Variants in CFAP47 observed in about 807,000 individuals in gnomAD.
CFAP47 encodes the protein cilia- and flagella-associated protein 47.
A neutral mutation model predicts 148.1 loss-of-function variants in CFAP47; 29 were observed. The ratio of observed to expected loss-of-function variants is 0.20; its 90% confidence interval spans 0.15 to 0.27. The LOEUF is 0.27. CFAP47 is among the 10% of genes least tolerant of loss of function. The pLI is 1.00. For synonymous variants in CFAP47, 664 were observed against 577.3 expected (o/e 1.15, Z -2.15); for missense variants, 1,872 against 1,697.5 (o/e 1.10, Z -1.81).
chrX:36,094,176 C>A (rs911318607), intron 30 of CFAP47, among the ~76,000 whole-genome samples: 2 of 110,539 alleles, frequency 1.8e-5, no homozygotes, highest in Non-Finnish European at 3.8e-5. Context: ...AAAATGAGTT[C>A]ATTGTAGGCC....
At chrX:36,300,525 G>A (rs1341607613) in intron 52 of CFAP47, among the ~76,000 whole-genome samples, 5 of 111,184 alleles carry the variant, frequency 4.5e-5, no homozygotes, top group Non-Finnish European at 7.5e-5. Context: ...TCCTGACCTC[G>A]TGATCCGCCT....
At chrX:35,938,683 A>C (rs750828041) in intron 2 of CFAP47, among the ~76,000 whole-genome samples, 1 of 111,877 alleles carries the variant, frequency 8.9e-6, no homozygotes, top group Non-Finnish European at 1.9e-5. Context: ...AGTTGTCTCC[A>C]TAATGAGTAG....
At chrX:36,073,025 A>C (rs1356297492) in intron 28 of CFAP47, 114 bp from the exon 29 acceptor site, 1 of 486,326 alleles carries the variant, frequency 2.1e-6, no homozygotes, top group African/African-American at 2.4e-5. Flanking sequence ...CTTTGAGAGC[A>C]TAGAATAATT....
At chrX:36,296,673 G>A (rs1008927113) in intron 51 of CFAP47, among the ~76,000 whole-genome samples, 1 of 111,960 alleles carries the variant, frequency 8.9e-6, no homozygotes, top group African/African-American at 3.2e-5. Context: ...TCTGTTGAAC[G>A]GACACTGATC....
chrX:36,280,026 A>T (rs1556003331), intron 49 of CFAP47, among the ~76,000 whole-genome samples: 1 of 111,275 alleles, frequency 9.0e-6, no homozygotes, highest in Admixed American at 9.6e-5. Flanking sequence ...TTTATAACAA[A>T]ATGTTTAACA....
chrX:35,924,000 T>C (rs975372818), intron 1 of CFAP47, among the ~76,000 whole-genome samples: 4 of 102,465 alleles, frequency 3.9e-5, no homozygotes, highest in East Asian at 3.0e-4. Context: ...CATATATGTG[T>C]ATATGTGTAA....
rs189653875 is a variant in CFAP47, at chrX:35,998,027, C to A, written c.3177+638C>A. Among the ~76,000 whole-genome samples the A allele has an allele frequency of 5.4e-3, 593 of 110,807 alleles. 5 individuals are homozygous for A. The highest frequency in any genetic ancestry group is 0.019 in the African/African-American group (568 of 30,543). On this transcript the variant is annotated intron_variant, in intron 19 of 63. Coordinates refer to ENST00000378653, the MANE Select transcript of CFAP47 (RefSeq NM_001304548.2). ...GAGGTACACATACAAGAGGTTCTCT[C>A]GGAATGGAGTTATTGAGACATAGAG...
At chrX:36,378,907 G>A (rs1276365845) in intron 62 of CFAP47, among the ~76,000 whole-genome samples, 3 of 110,911 alleles carry the variant, frequency 2.7e-5, no homozygotes, top group African/African-American at 9.9e-5. Flanking sequence ...TACCTCCCAG[G>A]TTCAAGCGAT....
chrX:36,361,403 C>A lies in CFAP47; in HGVS notation c.8925C>A (p.Ser2975=). The A allele has an allele frequency of 9.1e-7, 1 of 1,104,423 alleles. No homozygotes were observed. Among genetic ancestry groups the A allele is most frequent in the Non-Finnish European group, 1.2e-6 (1 of 821,483 alleles). 91.0% of individuals were successfully genotyped at this position (1,104,423 alleles called of 1,213,427 possible). The change falls in exon 61 of 64, where the codon TCC becomes TCA. Residue 2975 remains serine, a synonymous_variant. Transcript: ENST00000378653. ...AAGCTATGAAGTCTAAGTTGGAATC[C>A]TGTGTAGCTTTATATATGATTGAAA... is the stretch of plus-strand genomic sequence containing the variant. ...ESEAMKSKLE[S]CVALYMIEKS...
chrX:36,230,965 T>C (rs1337641034), intron 46 of CFAP47, among the ~76,000 whole-genome samples: 1 of 104,590 alleles, frequency 9.6e-6, no homozygotes, highest in African/African-American at 3.8e-5. Flanking sequence ...GTTCCATTGA[T>C]CAATATCTCT....
At chrX:36,091,765 T>G (rs1938189710) in intron 30 of CFAP47, among the ~76,000 whole-genome samples, 1 of 111,504 alleles carries the variant, frequency 9.0e-6, no homozygotes, top group African/African-American at 3.3e-5. Context: ...CACTTCTATT[T>G]TCTCAGTCAT....
intron 27 of CFAP47, 55 bp from the exon 28 acceptor site, chrX:36,071,770 A>C (rs183368885): frequency 9.4e-7 from 1 of 1,059,000 alleles, no homozygotes; most frequent in Admixed American, 2.4e-5. Flanking sequence ...ATAATGGTAT[A>C]AAGAAATACG....
At position 36,198,930 on chromosome X, in the gene CFAP47, G is replaced by T. The variant is rs113509033; in HGVS notation, c.6322-1449G>T. Among the ~76,000 whole-genome samples the T allele has an allele frequency of 4.8e-3, 532 of 111,931 alleles. 2 individuals carry two copies. The highest frequency in any genetic ancestry group is 0.017 in the African/African-American group (518 of 30,866). On this transcript the variant is annotated intron_variant, in intron 42 of 63. Transcript: ENST00000378653. ...TATCTAGATGTTTCATGATTATAAT[G>T]AAGCAAATCCCAGTGATCACAGAAT...
rs148215257 is a variant in CFAP47, at chrX:36,379,226, G to C, written c.9186-124G>C. On this transcript the variant is annotated intron_variant, in intron 62 of 63. Coordinates refer to ENST00000378653, the MANE Select transcript of CFAP47 (RefSeq NM_001304548.2). ...ATGCCTCCTCACTATTATTTGGTAAGCATTCAGCATTAATGTTAACCAGGC... is the reference window on the plus strand; with the variant it reads ...ATGCCTCCTCACTATTATTTGGTAACCATTCAGCATTAATGTTAACCAGGC... 5.8e-4 allele frequency: 329 copies of C among 566,628 alleles called. No homozygotes were observed. The African/African-American group carries it at 6.2e-3, about 11-fold the overall frequency. The allele number at this position is 566,628 out of a possible 1,213,427, so 46.7% of individuals were successfully genotyped here.
At chrX:36,357,681 A>G (rs951935523) in intron 60 of CFAP47, among the ~76,000 whole-genome samples, 5 of 111,533 alleles carry the variant, frequency 4.5e-5, no homozygotes, top group Non-Finnish European at 7.5e-5. Flanking sequence ...TTGCAGTGTC[A>G]CTTCTGTAAG....
At position 36,000,876 on chromosome X, in the gene CFAP47, T is replaced by C. The variant is rs1404931922; in HGVS notation, c.3322+449T>C. Among the ~76,000 whole-genome samples the C allele has an allele frequency of 2.7e-5, 3 of 111,677 alleles. No individual in the cohort carries two copies. In the East Asian group the frequency reaches 8.4e-4, roughly 31 times the overall value. On this transcript the variant is annotated intron_variant, in intron 20 of 63. Coordinates refer to ENST00000378653, the MANE Select transcript of CFAP47 (RefSeq NM_001304548.2). Reference sequence around the variant, plus strand: ...AAGTTTACTCCATAGGTTGTCAAAATAAGACCTATGAGCCAAATATGAGCC... The same window carrying C: ...AAGTTTACTCCATAGGTTGTCAAAACAAGACCTATGAGCCAAATATGAGCC...
intron 60 of CFAP47, among the ~76,000 whole-genome samples, chrX:36,357,287 G>A (rs1404389344): frequency 9.0e-6 from 1 of 111,570 alleles, no homozygotes; most frequent in Admixed American, 9.6e-5. Context: ...ATGTAAACCT[G>A]ATAAGTAGGA....
intron 57 of CFAP47, among the ~76,000 whole-genome samples, chrX:36,323,841 A>C (rs782691514): frequency 6.0e-3 from 675 of 111,813 alleles, no homozygotes; most frequent in African/African-American, 0.021. Context: ...TAGCCACTGA[A>C]ACTATATTTT....
intron 45 of CFAP47, among the ~76,000 whole-genome samples, chrX:36,216,676 G>A (rs1172759030): frequency 1.8e-5 from 2 of 111,639 alleles, no homozygotes; most frequent in African/African-American, 6.5e-5. Context: ...GGTAGGGGCT[G>A]GAGAAGTGGG....
Sources: gnomAD v4.1 joint callset for allele counts (sites outside exome capture counted in the v4.1 genomes callset) on GRCh38, gnomAD v4.1.1 for gene constraint, MANE v1.5 for transcripts, NCBI Gene and HGNC (gene_info 2026-07-23, HGNC 2026-07-21) for gene names.